CHRNA3: variants seen among roughly 807,000 people sequenced by gnomAD.
CHRNA3 encodes neuronal acetylcholine receptor subunit alpha-3.
In CHRNA3, 34 loss-of-function variants were observed where a neutral mutation model predicts 41.9. That is an observed-to-expected ratio of 0.81 (90% CI 0.62 to 1.08). The LOEUF is 1.08. Ranked by LOEUF, CHRNA3 falls within the 50% of genes least tolerant of loss-of-function variation. The probability of loss-of-function intolerance (pLI) is 0.00; values close to 1 mark genes in which losing one functional copy is unlikely to be tolerated. For missense variants in CHRNA3, 542 were observed against 638.3 expected (o/e 0.85, Z 1.63); for synonymous variants, 281 against 265.2 (o/e 1.06, Z -0.58).
At chr15:78,602,952 A>G (rs2053228787) in intron 4 of CHRNA3, among the ~76,000 whole-genome samples, 1 of 151,592 alleles carries the variant, frequency 6.6e-6, no homozygotes, top group Non-Finnish European at 1.5e-5. Flanking sequence ...CCCTATCCCC[A>G]TTTTCTCCCC....
At chr15:78,615,391 A>T in intron 4 of CHRNA3, among the ~76,000 whole-genome samples, 1 of 152,220 alleles carries the variant, frequency 6.6e-6, no homozygotes, top group Middle Eastern at 3.2e-3. Flanking sequence ...TGATCACAGC[A>T]TCGGCCTCCT....
chr15:78,596,680 C>T lies in CHRNA3; in HGVS notation c.1442G>A (p.Trp481Ter). 6.2e-7 allele frequency: 1 copy of T among 1,612,802 alleles called. No individual in the cohort carries two copies. Among genetic ancestry groups the T allele is most frequent in the South Asian group, 1.1e-5 (1 of 90,768 alleles). The change falls in exon 6 of 6, where the codon TGG (tryptophan) becomes TAG (stop). Residue 481 changes from tryptophan to a stop codon, truncating the protein, a stop_gained. Transcript: ENST00000326828. LOFTEE classifies it high-confidence loss of function. ...VAMVIDRIFL[W>*]VFTLVCILGT... ...TAGAATGCACACCAGGGTGAAAACC[C>T]ACAGAAAAATACGATCAATCACCAT...
chr15:78,602,158 C>A lies in CHRNA3; in HGVS notation c.484G>T (p.Asp162Tyr). The A allele has an allele frequency of 1.2e-6, 2 of 1,614,084 alleles. No individual in the cohort carries two copies. Among genetic ancestry groups the A allele is most frequent in the Non-Finnish European group, 1.7e-6 (2 of 1,180,030 alleles). ...PAIFKSSCKI[D>Y]VTYFPFDYQN... Reference sequence around the variant, plus strand: ...TAATCAAACGGGAAGTAGGTCACGTCGATTTTACAGGAGCTCTTAAAGATG... The same window carrying A: ...TAATCAAACGGGAAGTAGGTCACGTAGATTTTACAGGAGCTCTTAAAGATG... The change falls in exon 5 of 6, where the codon GAC becomes TAC. Residue 162 changes from aspartate (D) to tyrosine (Y), a missense_variant. Coordinates refer to ENST00000326828, the MANE Select transcript of CHRNA3 (RefSeq NM_000743.5).
chr15:78,593,229 T>A (rs201177341), downstream of CHRNA3: 2 of 1,611,446 alleles, frequency 1.2e-6, no homozygotes, highest in Non-Finnish European at 1.7e-6. Context: ...TAATACCAGT[T>A]CATATTGGAA....
At chr15:78,593,352 C>T, downstream of CHRNA3, 2 of 1,200,620 alleles carry the variant, frequency 1.7e-6, no homozygotes, top group South Asian at 3.8e-5. Context: ...AAATTTAGTG[C>T]AAGCTTTAAC....
chr15:78,602,144 G>A lies in CHRNA3; in HGVS notation c.498C>T (p.Phe166=). 1.2e-6 allele frequency: 2 copies of A among 1,614,140 alleles called. No homozygotes were observed. Among genetic ancestry groups the A allele is most frequent in the South Asian group, 1.1e-5 (1 of 91,074 alleles). The change falls in exon 5 of 6, where the codon TTC becomes TTT. Residue 166 remains phenylalanine (F), a synonymous_variant. Coordinates refer to ENST00000326828, the MANE Select transcript of CHRNA3 (RefSeq NM_000743.5). ...KSSCKIDVTY[F]PFDYQNCTMK... ...TGGTACAGTTTTGGTAATCAAACGG[G>A]AAGTAGGTCACGTCGATTTTACAGG...
rs2053538962 is a variant in CHRNA3 at position 78,620,779 on chromosome 15, G to A, written c.16C>T (p.Leu6Phe). MGSGP[L>F]SLPLALSPPR... ...GGCGACAGCGCCAGGGGCAGCGAGA[G>A]CGGGCCAGAGCCCATGGCTGGTGGC... Residue 6 changes from leucine (L) to phenylalanine (F), a missense_variant, in exon 1 of 6, where the codon CTC (leucine) becomes TTC (phenylalanine). Transcript: ENST00000326828. 9.5e-6 allele frequency: 14 copies of A among 1,481,208 alleles called. No homozygotes were observed. The highest frequency in any genetic ancestry group is 1.2e-5 in the Non-Finnish European group (14 of 1,123,502). 91.8% of individuals were successfully genotyped at this position (1,481,208 alleles called of 1,614,324 possible). A position where few individuals can be genotyped will look rare whatever the true frequency, so the allele number is the denominator to read the frequency against.
Position 78,618,784 on chromosome 15 carries a change from C to T in CHRNA3, c.214G>A (p.Val72Met). The T allele has an allele frequency of 6.2e-7, 1 of 1,614,126 alleles. No homozygotes were observed. The highest frequency in any genetic ancestry group is 1.1e-5 in the South Asian group (1 of 91,086). ...IHFEVSMSQL[V>M]KVDEVNQIME... Reference sequence around the variant, plus strand: ...TGGCTTCCAGCACTCACCACCTTCACCAGCTGAGACATGGACACCTCGAAA... The same window carrying T: ...TGGCTTCCAGCACTCACCACCTTCATCAGCTGAGACATGGACACCTCGAAA... Residue 72 changes from valine to methionine, a missense_variant, in exon 2 of 6, where the codon GTG becomes ATG. Physicochemically the swap from Val to Met is conservative, Grantham distance 21. Transcript: ENST00000326828.
In CHRNA3 at chr15:78,596,445, T is replaced by C; in HGVS notation, c.*159A>G. 1 of 1,305,202 alleles carries C rather than the reference T, an allele frequency of 7.7e-7. No homozygotes were observed. 80.9% of individuals were successfully genotyped at this position (1,305,202 alleles called of 1,614,324 possible). A position where few individuals can be genotyped will look rare whatever the true frequency, so the allele number is the denominator to read the frequency against. ...CGGTAATAAATACTCTTGACATTTT[T>C]TTTTTTGCATGATTCCAAGATAAGT... On this transcript the variant is annotated 3_prime_UTR_variant, in exon 6 of 6. Transcript: ENST00000326828.
chr15:78,611,125 T>C (rs2053373438), intron 4 of CHRNA3, among the ~76,000 whole-genome samples: 1 of 152,152 alleles, frequency 6.6e-6, no homozygotes, highest in Non-Finnish European at 1.5e-5. Context: ...GATTCACAGC[T>C]GAATTCTATC....
At chr15:78,613,958 A>G (rs917127623) in intron 4 of CHRNA3, among the ~76,000 whole-genome samples, 3 of 151,808 alleles carry the variant, frequency 2.0e-5, no homozygotes, top group African/African-American at 4.8e-5. Flanking sequence ...GGTGGGGGGA[A>G]AAAAAAGAAG....
At chr15:78,618,338 G>A (rs935124008) in intron 3 of CHRNA3, 16 of 445,814 alleles carry the variant, frequency 3.6e-5, no homozygotes, top group African/African-American at 1.2e-4. Context: ...TCTCAGGTTC[G>A]TACTCTTCTG....
At chr15:78,616,253 T>C (rs1313672545) in intron 4 of CHRNA3, among the ~76,000 whole-genome samples, 1 of 151,730 alleles carries the variant, frequency 6.6e-6, no homozygotes, top group Non-Finnish European at 1.5e-5. Context: ...CTTGGGAGGC[T>C]GAGGCAGGAG....
rs148001814 is a variant in CHRNA3 at position 78,601,552 on chromosome 15, C to G, written c.1090G>C (p.Gly364Arg). The change falls in exon 5 of 6, where the codon GGC becomes CGC. Residue 364 changes from glycine to arginine, a missense_variant. Transcript: ENST00000326828. ...MFMTRPTSNEGNAQKPRPLYG... is the reference protein window; with the variant it reads ...MFMTRPTSNERNAQKPRPLYG... ...AGGGGCCTCGGCTTCTGAGCGTTGC[C>G]CTCGTTGCTTGTTGGCCTGGTCATG... The G allele has an allele frequency of 5.7e-5, 92 of 1,614,040 alleles. No homozygotes were observed. The highest frequency in any genetic ancestry group is 7.6e-5 in the Non-Finnish European group (90 of 1,180,048).
intron 4 of CHRNA3, 54 bp downstream of exon 4, chr15:78,616,970 A>T: frequency 7.5e-7 from 1 of 1,331,220 alleles, no homozygotes; most frequent in South Asian, 1.3e-5. Context: ...TGGGCCAAAA[A>T]CCCAGAGCCC....
At chr15:78,615,003 C>T (rs2869546) in intron 4 of CHRNA3, among the ~76,000 whole-genome samples, 98,368 of 151,900 alleles carry the variant, frequency 0.65, 32,131 homozygotes, top group East Asian at 0.81. Flanking sequence ...ATGCACATTC[C>T]GGATCCATAG....
At chr15:78,608,012 T>G (rs1046229194) in intron 4 of CHRNA3, among the ~76,000 whole-genome samples, 8 of 152,220 alleles carry the variant, frequency 5.3e-5, no homozygotes, top group East Asian at 1.9e-4. Flanking sequence ...GCGGCAGCGA[T>G]GCTGGGGGAG....
chr15:78,609,194 C>A (rs1310489994), intron 4 of CHRNA3, among the ~76,000 whole-genome samples: 1 of 152,152 alleles, frequency 6.6e-6, no homozygotes, highest in Non-Finnish European at 1.5e-5. Flanking sequence ...TCTAGCAAGG[C>A]AGGCCAACAT....
chr15:78,595,367 GTC>G lies in CHRNA3; in HGVS notation c.*1235_*1236del, dbSNP rs57781655. 3,283 of 982,676 alleles carry G rather than the reference GTC, an allele frequency of 3.3e-3. 77 individuals are homozygous for G. The African/African-American group carries it at 0.05, about 15-fold the overall frequency. The allele number at this position is 982,676 out of a possible 1,614,324, so 60.9% of individuals were successfully genotyped here. The stretch of plus-strand genomic sequence containing the variant: ...AAACTAGTGAGACAAGATTCAAACA[GTC>G]TCTGTGAATCATCTGTCAGTGGTGA... On this transcript the variant is annotated 3_prime_UTR_variant, in exon 6 of 6. Transcript: ENST00000326828.
Sources: gnomAD v4.1 joint callset for allele counts (sites outside exome capture counted in the v4.1 genomes callset) on GRCh38, gnomAD v4.1.1 for gene constraint, MANE v1.5 for transcripts, NCBI Gene and HGNC (gene_info 2026-07-23, HGNC 2026-07-21) for gene names.